PEPD: variants seen among roughly 807,000 people sequenced by gnomAD.
PEPD encodes xaa-Pro dipeptidase.
PEPD carries 53 observed loss-of-function variants against 60.7 expected under a neutral mutation model. That is an observed-to-expected ratio of 0.87 (90% CI 0.70 to 1.10). PEPD has a LOEUF of 1.10. Ranked by LOEUF, PEPD falls within the 50% of genes least tolerant of loss-of-function variation. PEPD has a pLI of 0.00. For synonymous variants in PEPD, 267 were observed against 284.1 expected (o/e 0.94, Z 0.60); for missense variants, 711 against 711.9 (o/e 1.00, Z 0.01).
intron 12 of PEPD, 109 bp downstream of exon 12, chr19:33,401,612 G>A: frequency 9.8e-7 from 1 of 1,021,612 alleles, no homozygotes; most frequent in Non-Finnish European, 1.5e-6. Flanking sequence ...TCTGGAGTGT[G>A]GCAGATTCAA....
chr19:33,478,090 C>G lies in PEPD; in HGVS notation c.504G>C (p.Lys168Asn). The change falls in exon 7 of 15, where the codon AAG becomes AAC. Residue 168 changes from lysine to asparagine, a missense_variant and splice_region_variant. Coordinates refer to ENST00000244137, the MANE Select transcript of PEPD (RefSeq NM_000285.4). ...CREASFDGIS[K>N]FEVNNTILHP... Reference sequence around the variant, plus strand: ...GAAGAATGGTATTGTTGACTTCGAACCTGTAGGGCGAAAAGAAATCAAGCC... The same window carrying G: ...GAAGAATGGTATTGTTGACTTCGAAGCTGTAGGGCGAAAAGAAATCAAGCC... 6 of 1,607,498 alleles carry G rather than the reference C, an allele frequency of 3.7e-6. No homozygotes were observed. Among genetic ancestry groups the G allele is most frequent in the Non-Finnish European group, 5.1e-6 (6 of 1,175,284 alleles).
Position 33,391,496 on chromosome 19 carries a change from G to A in PEPD, c.968-17C>T. On this transcript the variant is annotated splice_polypyrimidine_tract_variant and intron_variant, in intron 12 of 14. Transcript: ENST00000244137. ...ACCAGACACCTGTGGGCCAGAGGGA[G>A]CTGCCGTGAGCCACAGAGCCCAGCA... 1.3e-6 allele frequency: 2 copies of A among 1,547,268 alleles called. No homozygotes were observed. Among genetic ancestry groups the A allele is most frequent in the Non-Finnish European group, 1.7e-6 (2 of 1,146,100 alleles).
chr19:33,455,583 G>A (rs537160828), intron 9 of PEPD, among the ~76,000 whole-genome samples: 3 of 151,426 alleles, frequency 2.0e-5, no homozygotes, highest in African/African-American at 4.8e-5. Flanking sequence ...GCTAACTGCC[G>A]CCTTGGCTTC....
At chr19:33,459,793 G>A (rs577619477) in intron 9 of PEPD, among the ~76,000 whole-genome samples, 19 of 152,222 alleles carry the variant, frequency 1.2e-4, no homozygotes, top group Non-Finnish European at 2.2e-4. Context: ...GGTGGGTGGT[G>A]TGTCCACCTT....
chr19:33,452,979 T>C (rs938822283), intron 9 of PEPD, among the ~76,000 whole-genome samples: 1 of 152,026 alleles, frequency 6.6e-6, no homozygotes, highest in African/African-American at 2.4e-5. Flanking sequence ...AGGAAAAAAA[T>C]ATATAGCTCA....
chr19:33,436,397 C>T (rs779481989), intron 9 of PEPD, among the ~76,000 whole-genome samples: 19 of 152,232 alleles, frequency 1.2e-4, no homozygotes, highest in Middle Eastern at 6.8e-3. Context: ...TCCCAATGGC[C>T]GAGTACAGGG....
At chr19:33,510,993 G>A in intron 3 of PEPD, 35 bp downstream of exon 3, 1 of 1,549,280 alleles carries the variant, frequency 6.5e-7, no homozygotes, top group Non-Finnish European at 8.8e-7. Flanking sequence ...GCCCATGGTT[G>A]GTAGCCATGG....
chr19:33,393,610 G>A (rs1968290899), intron 12 of PEPD, among the ~76,000 whole-genome samples: 1 of 150,162 alleles, frequency 6.7e-6, no homozygotes, highest in South Asian at 2.1e-4. Flanking sequence ...GAGCCTCTGT[G>A]TCACCTGGGG....
At chr19:33,463,134 C>T in intron 8 of PEPD, 93 bp from the exon 9 acceptor site, 1 of 831,884 alleles carries the variant, frequency 1.2e-6, no homozygotes, top group Non-Finnish European at 2.1e-6. Context: ...AAAAGCACCT[C>T]TTCTTTAAAA....
chr19:33,467,323 T>C (rs142408305), intron 7 of PEPD, among the ~76,000 whole-genome samples: 111 of 151,982 alleles, frequency 7.3e-4, no homozygotes, highest in Middle Eastern at 3.4e-3. Flanking sequence ...ACGGTCACAG[T>C]CATCATAGAA....
chr19:33,501,016 C>G lies in PEPD; in HGVS notation c.330-15G>C. On this transcript the variant is annotated splice_polypyrimidine_tract_variant and intron_variant, in intron 3 of 14. Coordinates refer to ENST00000244137, the MANE Select transcript of PEPD (RefSeq NM_000285.4). ...TGGAATGGATCCTCAAAGAAAAGCA[C>G]AAGGAATATCAGGGTCAGGGCTTGG... The G allele has an allele frequency of 6.5e-7, 1 of 1,532,850 alleles. No individual in the cohort carries two copies. Among genetic ancestry groups the G allele is most frequent in the East Asian group, 2.2e-5 (1 of 44,478 alleles). The allele number at this position is 1,532,850 out of a possible 1,614,324, so 95.0% of individuals were successfully genotyped here.
intron 7 of PEPD, among the ~76,000 whole-genome samples, chr19:33,476,624 C>G (rs752159928): frequency 5.5e-4 from 84 of 152,296 alleles, no homozygotes; most frequent in Non-Finnish European, 5.1e-4. Context: ...ACTTGCCCTA[C>G]AGCTGGGTCT....
At chr19:33,489,892 A>G (rs1970465124) in intron 6 of PEPD, 104 bp downstream of exon 6, 2 of 707,138 alleles carry the variant, frequency 2.8e-6, no homozygotes, top group African/African-American at 3.6e-5. Context: ...CCTTAAAAAG[A>G]AGTTTGCATA....
At chr19:33,488,750 C>T (rs2044623982) in intron 6 of PEPD, among the ~76,000 whole-genome samples, 1 of 152,148 alleles carries the variant, frequency 6.6e-6, no homozygotes, top group Non-Finnish European at 1.5e-5. Flanking sequence ...TTCATGAGCT[C>T]ATAATCCCTC....
At chr19:33,402,072 G>C (rs1312610857) in intron 11 of PEPD, among the ~76,000 whole-genome samples, 4 of 152,190 alleles carry the variant, frequency 2.6e-5, no homozygotes, top group African/African-American at 9.7e-5. Context: ...AAGCCATCCT[G>C]GAAGACCTGT....
At chr19:33,469,367 G>A (rs1469681690) in intron 7 of PEPD, among the ~76,000 whole-genome samples, 1 of 152,120 alleles carries the variant, frequency 6.6e-6, no homozygotes, top group Non-Finnish European at 1.5e-5. Flanking sequence ...CAGCTCTGCC[G>A]TGAGCTGCAG....
At chr19:33,391,530 C>T (rs973261333) in intron 12 of PEPD, 51 bp from the exon 13 acceptor site, 23 of 1,481,844 alleles carry the variant, frequency 1.6e-5, no homozygotes, top group African/African-American at 8.4e-5. Context: ...CAGCCAACAC[C>T]GCAGGGCCAG....
At chr19:33,506,820 AAC>A (rs777784822) in intron 3 of PEPD, among the ~76,000 whole-genome samples, 3 of 145,620 alleles carry the variant, frequency 2.1e-5, no homozygotes, top group Non-Finnish European at 3.0e-5. Flanking sequence ...ACACACACAA[AAC>A]ACAGCACACG....
At chr19:33,419,494 C>T (rs547749015) in intron 9 of PEPD, among the ~76,000 whole-genome samples, 17 of 152,320 alleles carry the variant, frequency 1.1e-4, no homozygotes, top group African/African-American at 2.2e-4. Flanking sequence ...AGAACAATGA[C>T]GGGCTGGGGT....
Sources: gnomAD v4.1 joint callset for allele counts (sites outside exome capture counted in the v4.1 genomes callset) on GRCh38, gnomAD v4.1.1 for gene constraint, MANE v1.5 for transcripts, NCBI Gene and HGNC (gene_info 2026-07-23, HGNC 2026-07-21) for gene names.